The following ADCY9 variants were observed in gnomAD, a reference collection of about 807,000 sequenced individuals.
ADCY9 encodes adenylate cyclase 9, also known as adenylate cyclase type 9.
ADCY9 carries 50 observed loss-of-function variants against 101.5 expected under a neutral mutation model. The observed-to-expected ratio is 0.49, with a 90% CI of 0.39 to 0.62. The LOEUF is 0.62. Among genes scored for constraint, ADCY9 ranks in the 20% least tolerant of loss-of-function variants. ADCY9 has a pLI of 0.00. For synonymous variants in ADCY9, 905 were observed against 769.3 expected, an observed-to-expected ratio of 1.18 and a Z score of -2.92; for missense variants, 1,662 against 1,800.4, an observed-to-expected ratio of 0.92 and a Z score of 1.39.
At chr16:4,107,864 C>T (rs1317064680) in intron 2 of ADCY9, among the ~76,000 whole-genome samples, 1 of 152,190 alleles carries the variant, frequency 6.6e-6, no homozygotes, top group African/African-American at 2.4e-5. Flanking sequence ...CACTGTCGGT[C>T]TGTCGGCCCA....
At chr16:4,109,117 C>G (rs933954962) in intron 2 of ADCY9, among the ~76,000 whole-genome samples, 2 of 152,184 alleles carry the variant, frequency 1.3e-5, no homozygotes, top group African/African-American at 4.8e-5. Flanking sequence ...TACACCCCAT[C>G]TGCTGTATCC....
At chr16:3,978,897 A>T (rs2056115794) in intron 8 of ADCY9, among the ~76,000 whole-genome samples, 1 of 151,994 alleles carries the variant, frequency 6.6e-6, no homozygotes, top group African/African-American at 2.4e-5. Flanking sequence ...TTGTATTTTT[A>T]GTAGAGACGG....
chr16:3,954,291 C>T (rs531905201), intron 5 of ADCY9, among the ~76,000 whole-genome samples: 1 of 152,306 alleles, frequency 6.6e-6, no homozygotes, highest in African/African-American at 2.4e-5. Context: ...CTCTTCTGGG[C>T]ATTCCCAGCC....
In ADCY9 at chr16:4,043,912, CTT is replaced by C. The variant is rs879864374; in HGVS notation, c.1694-36356_1694-36355del. Among the ~76,000 whole-genome samples, 110 of 152,294 alleles carry C rather than the reference CTT, an allele frequency of 7.2e-4. 3 individuals are homozygous for C. The highest frequency in any genetic ancestry group is 6.7e-3 in the Admixed American group (103 of 15,290). ...GAACTCTGCAACCTTGAGTGGGGCACTTAAGTGCCACAGACCTCAGTTTCTTC... is the reference window on the plus strand; with the variant it reads ...GAACTCTGCAACCTTGAGTGGGGCACAAGTGCCACAGACCTCAGTTTCTTC... On this transcript the variant is annotated intron_variant, in intron 2 of 10. Coordinates refer to ENST00000294016, the MANE Select transcript of ADCY9 (RefSeq NM_001116.4).
intron 2 of ADCY9, among the ~76,000 whole-genome samples, chr16:4,020,380 T>C (rs748139071): frequency 1.3e-5 from 2 of 152,136 alleles, no homozygotes; most frequent in African/African-American, 2.4e-5. Flanking sequence ...CGTGAAGTCA[T>C]AAGAACTACT....
At chr16:4,005,524 C>A (rs1023520768) in intron 3 of ADCY9, among the ~76,000 whole-genome samples, 1 of 152,192 alleles carries the variant, frequency 6.6e-6, no homozygotes, top group Non-Finnish European at 1.5e-5. Context: ...CCACCATGCC[C>A]GGCCTTCTGT....
At chr16:4,110,264 A>G (rs1315180657) in intron 2 of ADCY9, among the ~76,000 whole-genome samples, 1 of 151,602 alleles carries the variant, frequency 6.6e-6, no homozygotes, top group Non-Finnish European at 1.5e-5. Flanking sequence ...AAACACCTTT[A>G]TTGAAGAGGC....
At chr16:4,024,653 T>A (rs2056502017) in intron 2 of ADCY9, among the ~76,000 whole-genome samples, 1 of 152,140 alleles carries the variant, frequency 6.6e-6, no homozygotes, top group African/African-American at 2.4e-5. Flanking sequence ...TCCTGGCCTT[T>A]TGCTGTGGTC....
At chr16:3,986,071 G>A (rs1024777967) in intron 6 of ADCY9, among the ~76,000 whole-genome samples, 11 of 152,252 alleles carry the variant, frequency 7.2e-5, no homozygotes, top group African/African-American at 2.4e-4. Flanking sequence ...GCCTCCGGGT[G>A]CGGCCGTCCC....
chr16:4,079,246 T>G (rs904756308), intron 2 of ADCY9, among the ~76,000 whole-genome samples: 1 of 152,132 alleles, frequency 6.6e-6, no homozygotes, highest in Non-Finnish European at 1.5e-5. Context: ...GAATAAAATC[T>G]AAGTCATTTA....
chr16:4,073,169 T>A (rs1322577918), intron 2 of ADCY9, among the ~76,000 whole-genome samples: 1 of 151,542 alleles, frequency 6.6e-6, no homozygotes. Flanking sequence ...ATCTCAGCTC[T>A]CTGCAACCTC....
intron 5 of ADCY9, among the ~76,000 whole-genome samples, chr16:3,991,502 T>G (rs2056243393): frequency 6.6e-6 from 1 of 152,126 alleles, no homozygotes; most frequent in Non-Finnish European, 1.5e-5. Flanking sequence ...GGCTCACACC[T>G]GTAATCCCAG....
chr16:4,075,878 G>A (rs1177477282), intron 2 of ADCY9, among the ~76,000 whole-genome samples: 2 of 152,096 alleles, frequency 1.3e-5, no homozygotes, highest in Non-Finnish European at 2.9e-5. Context: ...AAAAATGCAG[G>A]CAGTGTTTTT....
intron 2 of ADCY9, among the ~76,000 whole-genome samples, chr16:4,028,910 G>C (rs2056535643): frequency 6.6e-6 from 1 of 151,600 alleles, no homozygotes; most frequent in African/African-American, 2.4e-5. Context: ...TCAGTCTCTT[G>C]AGTAGCTAGG....
chr16:4,012,249 G>A, intron 2 of ADCY9, among the ~76,000 whole-genome samples: 1 of 152,156 alleles, frequency 6.6e-6, no homozygotes, highest in East Asian at 1.9e-4. Flanking sequence ...AATTTAAAGT[G>A]AAACCTTTTG....
chr16:4,055,695 G>A (rs899399642), intron 2 of ADCY9, among the ~76,000 whole-genome samples: 10 of 152,044 alleles, frequency 6.6e-5, no homozygotes, highest in Admixed American at 2.0e-4. Flanking sequence ...TTAGCCAGGC[G>A]TGGCGCCGGG....
At chr16:3,973,409 G>A (rs531843678) in intron 10 of ADCY9, among the ~76,000 whole-genome samples, 1 of 152,282 alleles carries the variant, frequency 6.6e-6, no homozygotes, top group Admixed American at 6.5e-5. Flanking sequence ...GTTTTGCCAT[G>A]TTGGCCAGGC....
chr16:3,990,401 G>A (rs2141700223), intron 5 of ADCY9, among the ~76,000 whole-genome samples: 1 of 152,060 alleles, frequency 6.6e-6, no homozygotes, highest in East Asian at 1.9e-4. Flanking sequence ...GGGAGATGGA[G>A]GTTGCAATGA....
At chr16:3,968,347 G>A (rs1023234785) in intron 10 of ADCY9, among the ~76,000 whole-genome samples, 2 of 151,698 alleles carry the variant, frequency 1.3e-5, no homozygotes, top group Non-Finnish European at 2.9e-5. Context: ...GGTCAGGCTT[G>A]TCTCAAACTC....
Sources: gnomAD v4.1 joint callset for allele counts (sites outside exome capture counted in the v4.1 genomes callset) on GRCh38, gnomAD v4.1.1 for gene constraint, MANE v1.5 for transcripts, NCBI Gene and HGNC (gene_info 2026-07-23, HGNC 2026-07-21) for gene names.